PRDM16: variants seen among roughly 807,000 people sequenced by gnomAD.
PRDM16 encodes the protein histone-lysine N-methyltransferase PRDM16.
Under a neutral mutation model 110.6 loss-of-function variants are expected in PRDM16, and 23 were observed. The ratio of observed to expected loss-of-function variants is 0.21; its 90% confidence interval spans 0.15 to 0.29. PRDM16 has a LOEUF of 0.29. PRDM16 is among the 10% of genes least tolerant of loss of function. PRDM16 has a pLI of 1.00. For missense variants in PRDM16, 1,615 were observed against 1,794.3 expected, an observed-to-expected ratio of 0.90 and a Z score of 1.81; for synonymous variants, 799 against 781.8, an observed-to-expected ratio of 1.02 and a Z score of -0.37.
intron 3 of PRDM16, among the ~76,000 whole-genome samples, chr1:3,277,649 G>A (rs961426091): frequency 2.0e-5 from 3 of 152,354 alleles, no homozygotes; most frequent in Non-Finnish European, 1.5e-5. Context: ...TGGGCACAAC[G>A]AGGCATTGAC....
At chr1:3,162,662 C>G (rs1273972026) in intron 1 of PRDM16, among the ~76,000 whole-genome samples, 2 of 152,364 alleles carry the variant, frequency 1.3e-5, no homozygotes, top group East Asian at 3.9e-4. Context: ...GGAGGCGAAT[C>G]AGGGAGCAGA....
intron 2 of PRDM16, among the ~76,000 whole-genome samples, chr1:3,214,233 T>C (rs561255184): frequency 7.9e-5 from 12 of 152,342 alleles, no homozygotes; most frequent in African/African-American, 2.9e-4. Context: ...CAGAAACTTC[T>C]AGATCTGAGG....
intron 4 of PRDM16, among the ~76,000 whole-genome samples, chr1:3,386,434 C>T (rs1569642683): frequency 6.6e-6 from 1 of 152,204 alleles, no homozygotes; most frequent in Admixed American, 6.5e-5. Context: ...CAGGGGCTCT[C>T]CCTCATTTGC....
At chr1:3,331,534 A>G (rs2483274) in intron 3 of PRDM16, among the ~76,000 whole-genome samples, 88,114 of 152,116 alleles carry the variant, frequency 0.58, 26,980 homozygotes, top group African/African-American at 0.79. Flanking sequence ...AAAGGGACAC[A>G]CATGGGACGG....
chr1:3,253,314 G>A (rs910210084), intron 3 of PRDM16, among the ~76,000 whole-genome samples: 9 of 150,046 alleles, frequency 6.0e-5, no homozygotes, highest in South Asian at 2.1e-4. Context: ...CCAATAACTC[G>A]TCATTTAGCA....
chr1:3,169,714 C>G (rs865790286), intron 1 of PRDM16, among the ~76,000 whole-genome samples: 1 of 152,262 alleles, frequency 6.6e-6, no homozygotes, highest in Non-Finnish European at 1.5e-5. Context: ...CCACTTCCAC[C>G]GTCTCTGGCT....
chr1:3,106,090 G>C (rs372188018), intron 1 of PRDM16, among the ~76,000 whole-genome samples: 1 of 152,122 alleles, frequency 6.6e-6, no homozygotes, highest in African/African-American at 2.4e-5. Flanking sequence ...TCTCACCCTC[G>C]GCCTCAAAGG....
intron 3 of PRDM16, among the ~76,000 whole-genome samples, chr1:3,286,874 G>A (rs1252141856): frequency 6.6e-6 from 1 of 150,888 alleles, no homozygotes; most frequent in Non-Finnish European, 1.5e-5. Flanking sequence ...CCCTTCCTGG[G>A]TGCTGGGACT....
In PRDM16 at chr1:3,433,836, G is replaced by A; in HGVS notation, c.*25G>A. On this transcript the variant is annotated 3_prime_UTR_variant, in exon 17 of 17. Coordinates refer to ENST00000270722, the MANE Select transcript of PRDM16 (RefSeq NM_022114.4). The stretch of plus-strand genomic sequence containing the variant: ...ACGGGCTGGGCAGCCGGGGGCCGGT[G>A]GCCAGAGCGAGGGCACCAGCCACGA... 1.2e-6 allele frequency: 2 copies of A among 1,610,342 alleles called. No homozygotes were observed. Among genetic ancestry groups the A allele is most frequent in the Non-Finnish European group, 1.7e-6 (2 of 1,179,338 alleles).
At chr1:3,162,870 G>C (rs969380619) in intron 1 of PRDM16, among the ~76,000 whole-genome samples, 2 of 147,404 alleles carry the variant, frequency 1.4e-5, no homozygotes, top group African/African-American at 5.3e-5. Context: ...GCTCTAGAGG[G>C]CTTTGGGAGA....
At chr1:3,182,753 C>G (rs1201963092) in intron 1 of PRDM16, among the ~76,000 whole-genome samples, 1 of 152,166 alleles carries the variant, frequency 6.6e-6, no homozygotes. Flanking sequence ...ATCGCTCATA[C>G]GTGTGTGTGA....
chr1:3,269,539 GC>G (rs940397953), intron 3 of PRDM16, among the ~76,000 whole-genome samples: 2 of 145,094 alleles, frequency 1.4e-5, no homozygotes, highest in Non-Finnish European at 3.0e-5. Flanking sequence ...TCGGGGAGGA[GC>G]ACAGTCCTGG....
At chr1:3,158,207 C>T (rs1044326433) in intron 1 of PRDM16, among the ~76,000 whole-genome samples, 8 of 152,228 alleles carry the variant, frequency 5.3e-5, no homozygotes, top group East Asian at 1.9e-4. Flanking sequence ...CTCATTTGAC[C>T]GAGTCACGCT....
At chr1:3,136,571 G>C (rs757463536) in intron 1 of PRDM16, among the ~76,000 whole-genome samples, 64 of 152,296 alleles carry the variant, frequency 4.2e-4, no homozygotes, top group Non-Finnish European at 6.5e-4. Context: ...CTCTGGGCCA[G>C]CTCCAAGGAC....
At chr1:3,222,740 C>G (rs1255586237) in intron 2 of PRDM16, among the ~76,000 whole-genome samples, 1 of 152,210 alleles carries the variant, frequency 6.6e-6, no homozygotes, top group Non-Finnish European at 1.5e-5. Flanking sequence ...GGGGCGAGGA[C>G]CAGCATCCCC....
chr1:3,392,834 A>G (rs2100621304), intron 4 of PRDM16, among the ~76,000 whole-genome samples: 1 of 152,314 alleles, frequency 6.6e-6, no homozygotes, highest in East Asian at 1.9e-4. Context: ...GAACGTGGCC[A>G]TTTATTTGTC....
intron 4 of PRDM16, among the ~76,000 whole-genome samples, chr1:3,393,784 A>G (rs142734201): frequency 0.013 from 1,972 of 152,250 alleles, 21 homozygotes; most frequent in South Asian, 0.037. Flanking sequence ...CGAGTGTGGA[A>G]AAGTTTGCGC....
chr1:3,240,057 AGAGGAGAGGAGAG>A (rs1557550914), intron 2 of PRDM16, among the ~76,000 whole-genome samples: 2 of 4,838 alleles, frequency 4.1e-4, no homozygotes, highest in Admixed American at 1.7e-3. Flanking sequence ...GGAGAGGAGA[AGAGGAGAGGAGAG>A]GAGAGGAGAG....
intron 1 of PRDM16, among the ~76,000 whole-genome samples, chr1:3,140,825 A>T (rs564963809): frequency 1.3e-5 from 2 of 152,324 alleles, no homozygotes; most frequent in South Asian, 4.1e-4. Flanking sequence ...CCATGGTACG[A>T]CGGATGGGCT....
Sources: gnomAD v4.1 joint callset for allele counts (sites outside exome capture counted in the v4.1 genomes callset) on GRCh38, gnomAD v4.1.1 for gene constraint, MANE v1.5 for transcripts, NCBI Gene and HGNC (gene_info 2026-07-23, HGNC 2026-07-21) for gene names.